Variants in TRPM1 observed in about 807,000 individuals in gnomAD.
The protein encoded by TRPM1 is TRPM1-203 APA Isoform, Intron 10.
Under a neutral mutation model 149.4 loss-of-function variants are expected in TRPM1, and 113 were observed. That is an observed-to-expected ratio of 0.76 (90% CI 0.65 to 0.88). The LOEUF is 0.88. Ranked by LOEUF, TRPM1 falls within the 40% of genes least tolerant of loss-of-function variation. The pLI, the probability that TRPM1 is intolerant of heterozygous loss-of-function variation, is 0.00. For synonymous variants in TRPM1, 741 were observed against 759.5 expected (o/e 0.98, Z 0.40); for missense variants, 1,976 against 2,038.7 (o/e 0.97, Z 0.59).
At chr15:31,074,564 A>G (rs2034643895) in intron 3 of TRPM1, among the ~76,000 whole-genome samples, 1 of 152,044 alleles carries the variant, frequency 6.6e-6, no homozygotes, top group African/African-American at 2.4e-5. Flanking sequence ...TAGTCATTTG[A>G]GTCTTATCTT....
At chr15:31,050,974 A>G (rs1217668175) in intron 11 of TRPM1, among the ~76,000 whole-genome samples, 1 of 152,228 alleles carries the variant, frequency 6.6e-6, no homozygotes, top group African/African-American at 2.4e-5. Context: ...GGCACCAAAG[A>G]CATGTGTCCA....
intron 2 of TRPM1, among the ~76,000 whole-genome samples, chr15:31,077,290 C>G (rs1249975078): frequency 6.6e-6 from 1 of 152,110 alleles, no homozygotes; most frequent in Non-Finnish European, 1.5e-5. Flanking sequence ...AACTGCAGTG[C>G]AAGTGTTGTT....
At chr15:31,157,518 T>C (rs2141067737) in intron 1 of TRPM1, among the ~76,000 whole-genome samples, 1 of 152,304 alleles carries the variant, frequency 6.6e-6, no homozygotes. Flanking sequence ...CTTGACTTTA[T>C]GTGTCTTTTA....
Position 31,040,429 on chromosome 15 carries a change from T to G in TRPM1, c.2088-83A>C, listed in dbSNP as rs776072955. On this transcript the variant is annotated intron_variant, in intron 17 of 27. Transcript: ENST00000256552. This position sits in a 1 kb window ranked among gnomAD's most constrained non-coding sequence, Gnocchi z 4.2. ...GACAGGCATATCCACCAAGGACTTATGGAGCCACGGGACACAGTATCCTTC... is the reference window on the plus strand; with the variant it reads ...GACAGGCATATCCACCAAGGACTTAGGGAGCCACGGGACACAGTATCCTTC... 1.7e-6 allele frequency: 2 copies of G among 1,149,798 alleles called. No individual in the cohort carries two copies. The highest frequency in any genetic ancestry group is 3.0e-5 in the African/African-American group (2 of 66,096). 71.2% of individuals were successfully genotyped at this position (1,149,798 alleles called of 1,614,324 possible). A position where few individuals can be genotyped will look rare whatever the true frequency, so the allele number is the denominator to read the frequency against.
chr15:31,082,973 G>T (rs959450554), intron 1 of TRPM1, among the ~76,000 whole-genome samples: 1 of 152,114 alleles, frequency 6.6e-6, no homozygotes, highest in East Asian at 1.9e-4. Flanking sequence ...ACACACACAG[G>T]TGGGGGCGAC....
At chr15:31,021,588 C>T (rs2032552634) in intron 27 of TRPM1, among the ~76,000 whole-genome samples, 1 of 151,478 alleles carries the variant, frequency 6.6e-6, no homozygotes, top group South Asian at 2.1e-4. Context: ...CTCAGCTACT[C>T]AGGAAGCTGA....
At chr15:31,005,414 T>A (rs1389545451) in intron 27 of TRPM1, among the ~76,000 whole-genome samples, 3 of 152,172 alleles carry the variant, frequency 2.0e-5, no homozygotes, top group African/African-American at 7.2e-5. Flanking sequence ...TCAAAGTCAT[T>A]GGATTCTTTG....
At chr15:31,037,690 A>C in intron 20 of TRPM1, 21 bp downstream of exon 20, 2 of 1,614,234 alleles carry the variant, frequency 1.2e-6, no homozygotes, top group Non-Finnish European at 1.7e-6. Flanking sequence ...TGAATGTCAA[A>C]TGTTCAGGAG....
intron 22 of TRPM1, among the ~76,000 whole-genome samples, chr15:31,032,224 C>A (rs1277159024): frequency 2.0e-5 from 3 of 151,546 alleles, no homozygotes; most frequent in African/African-American, 7.3e-5. Context: ...TAAGCTCTTA[C>A]AAAAAAACGA....
intron 1 of TRPM1, among the ~76,000 whole-genome samples, chr15:31,143,661 C>T (rs776462063): frequency 2.6e-5 from 4 of 152,158 alleles, no homozygotes; most frequent in Non-Finnish European, 4.4e-5. Context: ...GATCCACCCA[C>T]CTCGGCCTCC....
intron 1 of TRPM1, among the ~76,000 whole-genome samples, chr15:31,150,868 A>T (rs536100469): frequency 6.6e-6 from 1 of 152,300 alleles, no homozygotes; most frequent in Admixed American, 6.5e-5. Context: ...CATGCCTGCC[A>T]TGGAAAATTT....
intron 2 of TRPM1, among the ~76,000 whole-genome samples, chr15:31,080,504 T>C (rs2034826056): frequency 6.6e-6 from 1 of 152,038 alleles, no homozygotes; most frequent in Non-Finnish European, 1.5e-5. Flanking sequence ...TCCTACGAAA[T>C]AACCCACCTG....
intron 1 of TRPM1, among the ~76,000 whole-genome samples, chr15:31,119,494 G>C (rs1223144085): frequency 6.6e-6 from 1 of 152,062 alleles, no homozygotes; most frequent in Non-Finnish European, 1.5e-5. Flanking sequence ...CATCTACTTT[G>C]TGAAAAATGC....
intron 27 of TRPM1, among the ~76,000 whole-genome samples, chr15:31,021,702 T>TAAAAAAAAAAAA (rs34186876): frequency 8.4e-6 from 1 of 119,360 alleles, no homozygotes; most frequent in Non-Finnish European, 1.8e-5. Context: ...TCTCTAGAAT[T>TAAAAAAAAAAAA]AAAAAAAAAA....
upstream of TRPM1, among the ~76,000 whole-genome samples, chr15:31,104,816 A>T (rs147000482): frequency 6.6e-6 from 1 of 151,772 alleles, no homozygotes; most frequent in African/African-American, 2.4e-5. Flanking sequence ...GGATGGTCTC[A>T]ATCTCCTGAC....
intron 1 of TRPM1, among the ~76,000 whole-genome samples, chr15:31,134,488 C>T (rs749035721): frequency 6.6e-6 from 1 of 152,188 alleles, no homozygotes; most frequent in Non-Finnish European, 1.5e-5. Flanking sequence ...GTGTCTGCCT[C>T]TCTGCACCAG....
intron 16 of TRPM1, among the ~76,000 whole-genome samples, chr15:31,044,184 T>G (rs2033699817): frequency 6.6e-6 from 1 of 152,234 alleles, no homozygotes; most frequent in Non-Finnish European, 1.5e-5. Flanking sequence ...CAATGAAGGT[T>G]CTACTTATCC....
intron 1 of TRPM1, among the ~76,000 whole-genome samples, chr15:31,157,821 A>G (rs2036396675): frequency 6.6e-6 from 1 of 152,310 alleles, no homozygotes; most frequent in South Asian, 2.1e-4. Context: ...TCTGCCTTGT[A>G]CAAATAGAGG....
Position 31,028,441 on chromosome 15 carries a change from T to G in TRPM1, c.3184A>C (p.Lys1062Gln). 1 of 1,614,134 alleles carries G rather than the reference T, an allele frequency of 6.2e-7. No individual in the cohort carries two copies. Among genetic ancestry groups the G allele is most frequent in the Non-Finnish European group, 8.5e-7 (1 of 1,180,046 alleles). The change falls in exon 25 of 28, where the codon AAG becomes CAG. Residue 1062 changes from lysine (K) to glutamine (Q), a missense_variant. Physicochemically the swap from Lys to Gln is moderately conservative, Grantham distance 53. Around this residue, in one of 3 missense-constraint regions of TRPM1, gnomAD observed 1,332 missense variants for 1,347.1 expected, o/e 0.99. Coordinates refer to ENST00000256552, the MANE Select transcript of TRPM1 (RefSeq NM_001252024.2). Reference protein sequence around the residue: ...CGENLYDEEGKRLPPCIPGAW... With the variant: ...CGENLYDEEGQRLPPCIPGAW... ...CCGGGGATACAGGGAGGAAGCCGCTTGCCCTCCTCATCATATAGGTTCTCA... is the reference window on the plus strand; with the variant it reads ...CCGGGGATACAGGGAGGAAGCCGCTGGCCCTCCTCATCATATAGGTTCTCA...
Sources: allele counts gnomAD v4.1 joint callset (sites outside exome capture counted in the v4.1 genomes callset), GRCh38; gene constraint gnomAD v4.1.1; regional missense constraint gnomAD v4.1.1; non-coding constraint Gnocchi (gnomAD v3.1); transcripts MANE v1.5; gene names NCBI Gene and HGNC (gene_info 2026-07-23, HGNC 2026-07-21).